Variants in METTL24 observed in about 807,000 individuals in gnomAD.
METTL24 encodes probable methyltransferase-like protein 24.
In METTL24, 29 loss-of-function variants were observed where a neutral mutation model predicts 32.7. The observed-to-expected ratio is 0.89, with a 90% CI of 0.66 to 1.21. The LOEUF (loss-of-function observed/expected upper bound fraction) is 1.21. Among genes scored for constraint, METTL24 ranks in the 50% most tolerant of loss-of-function variants. The probability of loss-of-function intolerance (pLI) is 0.00; values close to 1 mark genes in which losing one functional copy is unlikely to be tolerated. For synonymous variants in METTL24, 163 were observed against 179.5 expected (o/e 0.91, Z 0.73); for missense variants, 439 against 468.1 (o/e 0.94, Z 0.57).
At chr6:110,351,742 G>A (rs533204986) in intron 1 of METTL24, among the ~76,000 whole-genome samples, 28 of 152,324 alleles carry the variant, frequency 1.8e-4, no homozygotes, top group Non-Finnish European at 3.2e-4. Flanking sequence ...GGCCTGAGCC[G>A]GCTGGTCCAG....
chr6:110,254,834 A>G (rs1778353285), intron 4 of METTL24, among the ~76,000 whole-genome samples: 1 of 152,232 alleles, frequency 6.6e-6, no homozygotes, highest in South Asian at 2.1e-4. Context: ...ATGATAAAAT[A>G]TATCTAGGTT....
chr6:110,347,375 C>T (rs1411324750), intron 1 of METTL24, among the ~76,000 whole-genome samples: 1 of 152,170 alleles, frequency 6.6e-6, no homozygotes, highest in Non-Finnish European at 1.5e-5. Flanking sequence ...TCTCCTAGTA[C>T]AGTAGGCCTC....
intron 4 of METTL24, among the ~76,000 whole-genome samples, chr6:110,253,053 G>A (rs10457207): frequency 0.071 from 10,782 of 152,290 alleles, 436 homozygotes; most frequent in Non-Finnish European, 0.1. Flanking sequence ...TCTAAGTGGC[G>A]TTCAAGCGTA....
chr6:110,325,114 G>C (rs541286150), intron 1 of METTL24, among the ~76,000 whole-genome samples: 7 of 152,238 alleles, frequency 4.6e-5, no homozygotes, highest in African/African-American at 1.4e-4. Flanking sequence ...ACAGCAATAT[G>C]ATGTCCCAGG....
At chr6:110,357,616 T>A (rs1213401123) in intron 1 of METTL24, 2 of 155,604 alleles carry the variant, frequency 1.3e-5, no homozygotes, top group African/African-American at 4.8e-5. Context: ...TTTCCCTGCC[T>A]ATCACGCAAA....
At position 110,289,266 on chromosome 6, in the gene METTL24, G is replaced by C. The variant is rs569586114; in HGVS notation, c.786+9656C>G. On this transcript the variant is annotated intron_variant, in intron 4 of 4. Coordinates refer to ENST00000338882, the MANE Select transcript of METTL24 (RefSeq NM_001123364.3). ...AAACAGTCAACCAATGCAATAATTA[G>C]AATGTTACTTCATTCCAAGACTAAT... Among the ~76,000 whole-genome samples the C allele has an allele frequency of 3.9e-5, 6 of 152,264 alleles. No homozygotes were observed. The East Asian group carries it at 1.2e-3, about 29-fold the overall frequency.
chr6:110,268,662 T>A (rs1278906774), intron 4 of METTL24, among the ~76,000 whole-genome samples: 1 of 152,114 alleles, frequency 6.6e-6, no homozygotes, highest in Non-Finnish European at 1.5e-5. Context: ...TCCATGGACT[T>A]TTTTTTAGAG....
At chr6:110,291,530 T>C (rs1046550919) in intron 4 of METTL24, among the ~76,000 whole-genome samples, 1 of 152,190 alleles carries the variant, frequency 6.6e-6, no homozygotes, top group Non-Finnish European at 1.5e-5. Context: ...TTTTTCTTCA[T>C]TGCAGATTTT....
At chr6:110,258,582 A>C (rs1485565801) in intron 4 of METTL24, among the ~76,000 whole-genome samples, 1 of 152,092 alleles carries the variant, frequency 6.6e-6, no homozygotes, top group Admixed American at 6.6e-5. Context: ...AGATAGGTGG[A>C]TGGGTGGATA....
intron 3 of METTL24, among the ~76,000 whole-genome samples, chr6:110,304,191 T>C (rs557002624): frequency 6.6e-6 from 1 of 152,248 alleles, no homozygotes; most frequent in African/African-American, 2.4e-5. Context: ...CAAAGGTAGA[T>C]AAATCCATGA....
At chr6:110,313,625 C>T (rs1771764990) in intron 3 of METTL24, among the ~76,000 whole-genome samples, 1 of 152,192 alleles carries the variant, frequency 6.6e-6, no homozygotes, top group African/African-American at 2.4e-5. Context: ...GCACGTGGTA[C>T]TATGCAATTT....
chr6:110,280,624 G>C (rs1296517115), intron 4 of METTL24, among the ~76,000 whole-genome samples: 1 of 151,632 alleles, frequency 6.6e-6, no homozygotes, highest in East Asian at 1.9e-4. Context: ...ATACCACTGA[G>C]AGAAAAGTGT....
intron 4 of METTL24, among the ~76,000 whole-genome samples, chr6:110,289,958 T>C (rs984654399): frequency 1.4e-5 from 2 of 145,340 alleles, no homozygotes; most frequent in Non-Finnish European, 2.9e-5. Context: ...TATTGGTCAA[T>C]TACTTTTTTT....
intron 2 of METTL24, among the ~76,000 whole-genome samples, chr6:110,320,523 T>G (rs1226483374): frequency 6.6e-6 from 1 of 152,198 alleles, no homozygotes; most frequent in Non-Finnish European, 1.5e-5. Context: ...GAACCTTATC[T>G]GGCTAAAATG....
intron 4 of METTL24, among the ~76,000 whole-genome samples, chr6:110,266,622 A>G (rs186334616): frequency 2.6e-5 from 4 of 152,194 alleles, no homozygotes; most frequent in Admixed American, 1.3e-4. Flanking sequence ...TACTCTAGAA[A>G]TCTACAATGC....
At chr6:110,281,572 C>G (rs1396230370) in intron 4 of METTL24, among the ~76,000 whole-genome samples, 1 of 151,658 alleles carries the variant, frequency 6.6e-6, no homozygotes, top group Admixed American at 6.6e-5. Context: ...GAGGTTGAAC[C>G]CAGGAGGCAG....
chr6:110,245,815 G>A lies in METTL24; in HGVS notation c.*131C>T, dbSNP rs539437221. ...ATGCCAAGCACTAGGCTGCATGCCC[G>A]CAATAACACACTCCCTGCCTCAAGC... On this transcript the variant is annotated 3_prime_UTR_variant, in exon 5 of 5. Transcript: ENST00000338882. 24 of 867,126 alleles carry A rather than the reference G, an allele frequency of 2.8e-5. 1 individual carries two copies. Among genetic ancestry groups the A allele is most frequent in the African/African-American group, 8.4e-5 (5 of 59,522 alleles). 53.7% of individuals were successfully genotyped at this position (867,126 alleles called of 1,614,324 possible). A position where few individuals can be genotyped will look rare whatever the true frequency, so the allele number is the denominator to read the frequency against.
intron 1 of METTL24, among the ~76,000 whole-genome samples, chr6:110,355,909 C>T (rs1189116293): frequency 6.6e-6 from 1 of 152,162 alleles, no homozygotes; most frequent in African/African-American, 2.4e-5. Context: ...TGAACCTCCC[C>T]TCCAGCGCCC....
At chr6:110,294,154 T>C (rs1771369278) in intron 4 of METTL24, among the ~76,000 whole-genome samples, 1 of 152,024 alleles carries the variant, frequency 6.6e-6, no homozygotes, top group South Asian at 2.1e-4. Context: ...CAGAGATAAG[T>C]GTATGGTGAG....
Sources: gnomAD v4.1 joint callset for allele counts (sites outside exome capture counted in the v4.1 genomes callset) on GRCh38, gnomAD v4.1.1 for gene constraint, MANE v1.5 for transcripts, NCBI Gene and HGNC (gene_info 2026-07-23, HGNC 2026-07-21) for gene names.